Variants in GLIS3 observed in about 807,000 individuals in gnomAD.
The protein encoded by GLIS3 is zinc finger protein GLIS3.
A neutral mutation model predicts 78.6 loss-of-function variants in GLIS3; 53 were observed. The observed-to-expected ratio is 0.67, with a 90% CI of 0.54 to 0.85. The LOEUF (loss-of-function observed/expected upper bound fraction) is 0.85. GLIS3 is among the 40% of genes least tolerant of loss of function. The probability of loss-of-function intolerance (pLI) is 0.00; values close to 1 mark genes in which losing one functional copy is unlikely to be tolerated. For synonymous variants in GLIS3, 684 were observed against 509.9 expected (o/e 1.34, Z -4.60); for missense variants, 1,703 against 1,231.1 (o/e 1.38, Z -5.74).
intron 4 of GLIS3, among the ~76,000 whole-genome samples, chr9:3,984,729 G>C (rs1195254792): frequency 6.6e-6 from 1 of 152,148 alleles, no homozygotes; most frequent in East Asian, 1.9e-4. Flanking sequence ...ATATGGTTTG[G>C]TTGTGTCCCC....
At chr9:4,409,828 G>A in the GLIS3 span, among the ~76,000 whole-genome samples, 2 of 152,200 alleles carry the variant, frequency 1.3e-5, no homozygotes, top group African/African-American at 2.4e-5. Context: ...ACCTGGACTT[G>A]CTTGTTATTG....
intron 2 of GLIS3, among the ~76,000 whole-genome samples, chr9:4,312,751 C>T (rs1033096422): frequency 2.6e-5 from 4 of 152,208 alleles, no homozygotes; most frequent in Admixed American, 6.5e-5. Flanking sequence ...GGCCTTGGGG[C>T]TGGTGGAGCT....
chr9:4,144,204 G>C (rs935822287), intron 2 of GLIS3, among the ~76,000 whole-genome samples: 1 of 151,890 alleles, frequency 6.6e-6, no homozygotes, highest in Non-Finnish European at 1.5e-5. Flanking sequence ...TAACACCTCC[G>C]TCCAAAGGAG....
intron 2 of GLIS3, among the ~76,000 whole-genome samples, chr9:4,281,301 G>A (rs747567459): frequency 4.6e-5 from 7 of 152,218 alleles, no homozygotes; most frequent in South Asian, 2.1e-4. Flanking sequence ...AAAAGCGATC[G>A]TCTTAATCAT....
At chr9:3,830,964 T>A (rs1462465278) in intron 9 of GLIS3, among the ~76,000 whole-genome samples, 1 of 152,188 alleles carries the variant, frequency 6.6e-6, no homozygotes, top group African/African-American at 2.4e-5. Context: ...AGGCCTATTC[T>A]ATGGTTGTTA....
intron 9 of GLIS3, among the ~76,000 whole-genome samples, chr9:3,850,417 C>G (rs1315591492): frequency 1.3e-5 from 2 of 152,362 alleles, no homozygotes; most frequent in Middle Eastern, 6.8e-3. Flanking sequence ...TCTTCTCTTG[C>G]TATTCCAGCT....
chr9:4,204,769 C>T (rs1819711528), intron 2 of GLIS3, among the ~76,000 whole-genome samples: 1 of 152,126 alleles, frequency 6.6e-6, no homozygotes, highest in South Asian at 2.1e-4. Context: ...AAAAAATTAG[C>T]CGGGCGTGGT....
chr9:3,988,002 A>C (rs1588396281), intron 4 of GLIS3, among the ~76,000 whole-genome samples: 1 of 152,150 alleles, frequency 6.6e-6, no homozygotes, highest in East Asian at 1.9e-4. Context: ...GATGATTAAA[A>C]TTTAATATAT....
chr9:4,431,339 C>A, the GLIS3 span, among the ~76,000 whole-genome samples: 9 of 152,332 alleles, frequency 5.9e-5, no homozygotes, highest in East Asian at 1.7e-3. Context: ...ATTAGTGAAG[C>A]CAGGCTACCT....
chr9:3,882,550 G>C (rs553596461), intron 7 of GLIS3, among the ~76,000 whole-genome samples: 6 of 152,288 alleles, frequency 3.9e-5, no homozygotes, highest in African/African-American at 1.4e-4. Flanking sequence ...GGCACACGAG[G>C]TGTCAGGTAT....
At chr9:4,276,259 G>T (rs970663144) in intron 2 of GLIS3, among the ~76,000 whole-genome samples, 6 of 144,802 alleles carry the variant, frequency 4.1e-5, no homozygotes, top group Non-Finnish European at 4.5e-5. Flanking sequence ...CTGGGCAACA[G>T]AGTAAGACTG....
At chr9:4,227,838 T>A (rs1821907589) in intron 2 of GLIS3, among the ~76,000 whole-genome samples, 1 of 152,076 alleles carries the variant, frequency 6.6e-6, no homozygotes, top group African/African-American at 2.4e-5. Context: ...CTGCTAAGGG[T>A]CATAGAATGA....
chr9:3,983,255 T>C (rs1819451756), intron 4 of GLIS3, among the ~76,000 whole-genome samples: 2 of 152,208 alleles, frequency 1.3e-5, no homozygotes, highest in African/African-American at 4.8e-5. Flanking sequence ...ATGTAAGACA[T>C]GACTTGCTCT....
chr9:3,967,030 A>C (rs992399537), intron 4 of GLIS3, among the ~76,000 whole-genome samples: 71 of 143,106 alleles, frequency 5.0e-4, no homozygotes, highest in African/African-American at 1.7e-4. Context: ...AAAAAAAAAA[A>C]AAACAAAAAA....
At chr9:4,272,481 G>A (rs560724226) in intron 2 of GLIS3, among the ~76,000 whole-genome samples, 2 of 152,252 alleles carry the variant, frequency 1.3e-5, no homozygotes, top group African/African-American at 2.4e-5. Context: ...ACCTCCTGCC[G>A]GGTGTGCTTG....
the GLIS3 span, among the ~76,000 whole-genome samples, chr9:4,391,370 G>A: frequency 2.8e-4 from 43 of 152,280 alleles, no homozygotes; most frequent in African/African-American, 9.6e-4. Context: ...TAGGGGGTGT[G>A]TTCTCTTATT....
chr9:4,282,285 C>T (rs1325338431), intron 2 of GLIS3, among the ~76,000 whole-genome samples: 2 of 152,206 alleles, frequency 1.3e-5, no homozygotes, highest in South Asian at 4.1e-4. Flanking sequence ...GACTGGGCCA[C>T]TTGGTGCCCC....
chr9:3,915,140 C>CTA (rs1251068298), intron 6 of GLIS3, among the ~76,000 whole-genome samples: 1 of 152,180 alleles, frequency 6.6e-6, no homozygotes, highest in Non-Finnish European at 1.5e-5. Context: ...AGGGACTAGA[C>CTA]TCTCCTAGAG....
the GLIS3 span, among the ~76,000 whole-genome samples, chr9:4,479,500 C>T: frequency 6.6e-6 from 1 of 152,182 alleles, no homozygotes; most frequent in East Asian, 1.9e-4. Flanking sequence ...CTGCTAGTAA[C>T]AAATATGCAA....
Sources: allele counts gnomAD v4.1 joint callset (sites outside exome capture counted in the v4.1 genomes callset), GRCh38; gene constraint gnomAD v4.1.1; transcripts MANE v1.5; gene names NCBI Gene and HGNC (gene_info 2026-07-23, HGNC 2026-07-21).